Variants in SVOP observed in about 807,000 individuals in gnomAD.
SVOP encodes the protein synaptic vesicle 2-related protein.
In SVOP, 17 loss-of-function variants were observed where a neutral mutation model predicts 69.1. The observed-to-expected ratio is 0.25, with a 90% CI of 0.17 to 0.37. SVOP has a LOEUF of 0.37. SVOP is among the 10% of genes least tolerant of loss of function. The pLI is 1.00. For synonymous variants in SVOP, 238 were observed against 238.6 expected (o/e 1.00, Z 0.02); for missense variants, 435 against 597.5 (o/e 0.73, Z 2.84).
intron 1 of SVOP, among the ~76,000 whole-genome samples, chr12:109,014,296 T>A (rs1431116845): frequency 6.6e-6 from 1 of 152,214 alleles, no homozygotes; most frequent in Non-Finnish European, 1.5e-5. Context: ...AATACAGGCA[T>A]GAGCCACTGC....
At chr12:108,996,964 T>C (rs2040236291) in intron 1 of SVOP, among the ~76,000 whole-genome samples, 2 of 152,108 alleles carry the variant, frequency 1.3e-5, no homozygotes, top group Admixed American at 1.3e-4. Context: ...GGAGCCAAGA[T>C]GGCCGAATAG....
rs963472116 is a variant in SVOP, at chr12:108,945,161, G to A, written c.584C>T (p.Thr195Met). Residue 195 changes from threonine to methionine, a missense_variant, in exon 7 of 16, where the codon ACG (threonine) becomes ATG (methionine). Thr to Met is a moderately conservative substitution (Grantham distance 81). Coordinates refer to ENST00000610966, the MANE Select transcript of SVOP (RefSeq NM_018711.5). ...CATGGGAAGGAACTCGGCATACAGC[G>A]TCACCCTGGGAATGTAAAAGGGAAA... ...FGIGGVPQSVTLYAEFLPMKA... is the reference protein window; with the variant it reads ...FGIGGVPQSVMLYAEFLPMKA... 4.6e-6 allele frequency: 7 copies of A among 1,537,034 alleles called. No homozygotes were observed. Among genetic ancestry groups the A allele is most frequent in the Non-Finnish European group, 6.1e-6 (7 of 1,146,834 alleles).
intron 11 of SVOP, among the ~76,000 whole-genome samples, chr12:108,925,732 G>A (rs755658474): frequency 6.6e-6 from 1 of 151,998 alleles, no homozygotes; most frequent in African/African-American, 2.4e-5. Context: ...GGCAAGTAAG[G>A]CATGCACCTG....
At chr12:108,962,963 T>TCAAAA (rs997900078) in intron 5 of SVOP, among the ~76,000 whole-genome samples, 10 of 151,626 alleles carry the variant, frequency 6.6e-5, no homozygotes, top group South Asian at 4.2e-4. Context: ...AGACTCTATC[T>TCAAAA]CAAAACAAAA....
At position 108,961,027 on chromosome 12, in the gene SVOP, C is replaced by T. The variant is rs1279296466; in HGVS notation, c.474G>A (p.Leu158=). 1 of 1,536,538 alleles carries T rather than the reference C, an allele frequency of 6.5e-7. No homozygotes were observed. The highest frequency in any genetic ancestry group is 1.4e-5 in the African/African-American group (1 of 73,148). ...TAAGGATGCCATAGTACAGAGTCCA[C>T]AGCACGCTGATCTTCAGCCCCTGAA... The part of the protein sequence containing the change: ...GRKTGLKISV[L]WTLYYGILSA... Residue 158 remains leucine, a synonymous_variant, in exon 6 of 16, where the codon CTG becomes CTA. Transcript: ENST00000610966.
chr12:108,990,327 G>A (rs1168620204), intron 1 of SVOP, among the ~76,000 whole-genome samples: 1 of 152,110 alleles, frequency 6.6e-6, no homozygotes. Context: ...TGGCTGCATA[G>A]TATTCCATGG....
At position 108,968,744 on chromosome 12, in the gene SVOP, TTG is replaced by T. The variant is rs554473073; in HGVS notation, c.453+3659_453+3660del. 2.5e-3 allele frequency among the ~76,000 whole-genome samples: 379 copies of T among 149,732 alleles called. 3 individuals carry two copies. The highest frequency in any genetic ancestry group is 4.9e-3 in the African/African-American group (201 of 40,892). On this transcript the variant is annotated intron_variant, in intron 5 of 15. Coordinates refer to ENST00000610966, the MANE Select transcript of SVOP (RefSeq NM_018711.5). ...GTGTGTGTGTGTGCATGTTTGTCTT[TTG>T]TGTGTGTGTGTGTGTGTGTGTTTGT...
At chr12:108,947,181 C>T (rs993929913) in intron 6 of SVOP, among the ~76,000 whole-genome samples, 1 of 152,072 alleles carries the variant, frequency 6.6e-6, no homozygotes, top group Non-Finnish European at 1.5e-5. Flanking sequence ...GTTCCCTTGC[C>T]CCAGCCCTGG....
chr12:108,931,441 A>G (rs745643724), intron 11 of SVOP, among the ~76,000 whole-genome samples: 6 of 152,230 alleles, frequency 3.9e-5, no homozygotes, highest in Non-Finnish European at 7.3e-5. Flanking sequence ...TCCCACCTCC[A>G]GCTGCACAAT....
At chr12:108,915,350 A>C (rs994626066) in intron 15 of SVOP, among the ~76,000 whole-genome samples, 1 of 152,024 alleles carries the variant, frequency 6.6e-6, no homozygotes, top group Non-Finnish European at 1.5e-5. Context: ...CTTCCTTCCC[A>C]GTCGAGTGGT....
intron 1 of SVOP, among the ~76,000 whole-genome samples, chr12:109,020,144 C>T (rs1441312609): frequency 6.6e-6 from 1 of 152,104 alleles, no homozygotes; most frequent in Non-Finnish European, 1.5e-5. Context: ...CTTGATATTT[C>T]CCCCAGATTC....
intron 11 of SVOP, among the ~76,000 whole-genome samples, chr12:108,924,293 T>C (rs2039767521): frequency 6.6e-6 from 1 of 152,172 alleles, no homozygotes; most frequent in African/African-American, 2.4e-5. Flanking sequence ...CAGTCTAAGG[T>C]ATTTTGTTAT....
rs1486936090 is a variant in SVOP at position 108,910,257 on chromosome 12, C to T, written c.*2278G>A. 2 of 152,226 alleles carry T rather than the reference C, an allele frequency of 1.3e-5. No homozygotes were observed. The highest frequency in any genetic ancestry group is 3.8e-4 in the East Asian group (2 of 5,198). The allele number at this position is 152,226 out of a possible 1,614,324, so 9.4% of individuals were successfully genotyped here. Reference sequence around the variant, plus strand: ...GATTATAGGCATGAGCCACCATACCCAGCAGGAGTTTTTAACTTTCACTTT... The same window carrying T: ...GATTATAGGCATGAGCCACCATACCTAGCAGGAGTTTTTAACTTTCACTTT... On this transcript the variant is annotated 3_prime_UTR_variant, in exon 16 of 16. Coordinates refer to ENST00000610966, the MANE Select transcript of SVOP (RefSeq NM_018711.5).
rs145030768 is a variant in SVOP at position 108,941,536 on chromosome 12, A to C, written c.643-627T>G. 2.2e-3 allele frequency among the ~76,000 whole-genome samples: 331 copies of C among 151,996 alleles called. 13 individuals carry two copies. The East Asian group carries it at 0.049, about 23-fold the overall frequency. On this transcript the variant is annotated intron_variant, in intron 7 of 15. Coordinates refer to ENST00000610966, the MANE Select transcript of SVOP (RefSeq NM_018711.5). ...TATTGTGGTAAAATACACATAACAA[A>C]ATTTACCATCTTAATCATTTTTAAG...
intron 6 of SVOP, among the ~76,000 whole-genome samples, chr12:108,946,609 T>G (rs2137411233): frequency 6.6e-6 from 1 of 151,830 alleles, no homozygotes; most frequent in East Asian, 1.9e-4. Context: ...TTTGTCTATC[T>G]TATCTTCTAT....
chr12:109,009,580 T>C (rs2040329767), intron 1 of SVOP, among the ~76,000 whole-genome samples: 1 of 151,746 alleles, frequency 6.6e-6, no homozygotes, highest in East Asian at 2.0e-4. Context: ...GCCCAGCTAA[T>C]TTTTGTATTT....
intron 6 of SVOP, among the ~76,000 whole-genome samples, chr12:108,958,133 G>T (rs2039996011): frequency 6.6e-6 from 1 of 151,986 alleles, no homozygotes; most frequent in African/African-American, 2.4e-5. Flanking sequence ...TGCAGAGCAG[G>T]GCTAACTCAT....
At chr12:108,938,773 C>T (rs2039871056) in intron 9 of SVOP, 54 bp downstream of exon 9, 2 of 1,611,740 alleles carry the variant, frequency 1.2e-6, no homozygotes, top group South Asian at 2.2e-5. Flanking sequence ...GCACACACTC[C>T]CCTGCATGCA....
intron 1 of SVOP, among the ~76,000 whole-genome samples, chr12:108,991,949 GAAATAAAGAAATAAACC>G (rs2040204471): frequency 1.3e-5 from 2 of 151,964 alleles, no homozygotes; most frequent in African/African-American, 4.8e-5. Context: ...TGACTCTAAA[GAAATAAAGAAATAAACC>G]AAAGTAGGTA....
Sources: allele counts gnomAD v4.1 joint callset (sites outside exome capture counted in the v4.1 genomes callset), GRCh38; gene constraint gnomAD v4.1.1; transcripts MANE v1.5; gene names NCBI Gene and HGNC (gene_info 2026-07-23, HGNC 2026-07-21).